The following SPG11 variants were observed in gnomAD, a reference collection of about 807,000 sequenced individuals.
SPG11 encodes spatacsin.
SPG11 carries 222 observed loss-of-function variants against 274.0 expected under a neutral mutation model. The ratio of observed to expected loss-of-function variants is 0.81; its 90% confidence interval spans 0.73 to 0.91. The LOEUF is 0.91. SPG11 is among the 40% of genes least tolerant of loss of function. The pLI, the probability that SPG11 is intolerant of heterozygous loss-of-function variation, is 0.00. For missense variants in SPG11, 3,114 were observed against 2,872.7 expected (o/e 1.08, Z -1.92); for synonymous variants, 1,144 against 1,039.7 (o/e 1.10, Z -1.93).
At chr15:44,662,595 C>T (rs1178009676) in intron 1 of SPG11, among the ~76,000 whole-genome samples, 2 of 147,844 alleles carry the variant, frequency 1.4e-5, no homozygotes, top group Non-Finnish European at 3.0e-5. Flanking sequence ...GGCTGGCTGC[C>T]GTGAACCGTG....
intron 7 of SPG11, among the ~76,000 whole-genome samples, chr15:44,636,932 A>AAAAAAAC (rs2084280146): frequency 6.6e-5 from 8 of 120,540 alleles, no homozygotes; most frequent in East Asian, 5.4e-4. Context: ...TCTCAAAAAA[A>AAAAAAAC]AAAAAAAAAA....
intron 16 of SPG11, 29 bp from the exon 17 acceptor site, chr15:44,613,565 T>C (rs781384981): frequency 5.0e-6 from 7 of 1,387,726 alleles, no homozygotes; most frequent in South Asian, 2.3e-5. Context: ...AAAACCTTCT[T>C]TGATTAACAT....
intron 31 of SPG11, 164 bp from the exon 32 acceptor site, chr15:44,573,909 T>C (rs1185229770): frequency 7.6e-6 from 5 of 660,840 alleles, no homozygotes; most frequent in Non-Finnish European, 7.9e-6. Context: ...TTTCTAACCC[T>C]TTCTATCATT....
At chr15:44,642,697 C>CAA (rs201516811) in intron 7 of SPG11, among the ~76,000 whole-genome samples, 12 of 115,282 alleles carry the variant, frequency 1.0e-4, no homozygotes, top group African/African-American at 2.8e-4. Flanking sequence ...TCCACCTCTA[C>CAA]AAAAAAAAAA....
At chr15:44,610,747 A>G (rs561789253) in intron 18 of SPG11, 93 bp downstream of exon 18, 257 of 1,221,098 alleles carry the variant, frequency 2.1e-4, no homozygotes, top group Admixed American at 2.3e-4. Flanking sequence ...GAATATAGTT[A>G]TATTTTAATA....
At chr15:44,564,809 C>T (rs1034825313) in intron 38 of SPG11, 111 bp from the exon 39 acceptor site, 34 of 1,194,126 alleles carry the variant, frequency 2.8e-5, no homozygotes, top group Non-Finnish European at 4.0e-5. Flanking sequence ...TGAATATGAT[C>T]ATTACCAATT....
chr15:44,567,374 T>C lies in SPG11; in HGVS notation c.6754+50A>G, dbSNP rs199549712. 1.9e-3 allele frequency: 3,051 copies of C among 1,580,982 alleles called. 37 individuals are homozygous for C. In the African/African-American group the frequency reaches 0.025, roughly 13 times the overall value. ...CAAAAAAAAAAAAAAAAAAGGAATT[T>C]TACCTAGCTAGCAGCACTGTTCTGG... On this transcript the variant is annotated intron_variant, in intron 36 of 39. Coordinates refer to ENST00000261866, the MANE Select transcript of SPG11 (RefSeq NM_025137.4).
chr15:44,658,154 T>G (rs2084993923), intron 3 of SPG11, among the ~76,000 whole-genome samples: 1 of 152,238 alleles, frequency 6.6e-6, no homozygotes, highest in African/African-American at 2.4e-5. Flanking sequence ...TTCCATAACC[T>G]GGCAACAATA....
In SPG11 at chr15:44,636,950, A is replaced by AAAC. The variant is rs1567180583; in HGVS notation, c.1603-3314_1603-3313insGTT. ...CAAAAAAAAAAAAAAAAAAAAAAAA[A>AAAC]AAAAAAACAAAAAAAAAACACAAAT... On this transcript the variant is annotated intron_variant, in intron 7 of 39. Coordinates refer to ENST00000261866, the MANE Select transcript of SPG11 (RefSeq NM_025137.4). 5.3e-3 allele frequency among the ~76,000 whole-genome samples: 674 copies of AAAC among 126,794 alleles called. 10 individuals are homozygous for AAAC. The highest frequency in any genetic ancestry group is 0.022 in the African/African-American group (649 of 29,382). The allele number at this position is 126,794 out of a possible 152,430, so 83.2% of individuals were successfully genotyped here.
intron 17 of SPG11, among the ~76,000 whole-genome samples, chr15:44,612,017 G>A (rs1250522736): frequency 6.6e-6 from 1 of 152,026 alleles, no homozygotes; most frequent in Non-Finnish European, 1.5e-5. Context: ...CCCCGTGTTA[G>A]CCAGGATGGC....
At chr15:44,654,218 T>C (rs891207857) in intron 4 of SPG11, among the ~76,000 whole-genome samples, 1 of 152,224 alleles carries the variant, frequency 6.6e-6, no homozygotes, top group Admixed American at 6.5e-5. Flanking sequence ...CCATAAATTA[T>C]GCACAAATTG....
Position 44,633,703 on chromosome 15 carries a change from AT to A in SPG11, c.1603-67del. On this transcript the variant is annotated intron_variant, in intron 7 of 39. Transcript: ENST00000261866. ...ATAGGAAAAAAAAATCAGGATTCAG[AT>A]TTTTAAACAAACTTTAGAATTTAAT... 2.6e-6 allele frequency: 4 copies of A among 1,524,178 alleles called. No homozygotes were observed. The South Asian group carries it at 4.7e-5, about 18-fold the overall frequency. The allele number at this position is 1,524,178 out of a possible 1,614,324, so 94.4% of individuals were successfully genotyped here. A position where few individuals can be genotyped will look rare whatever the true frequency, so the allele number is the denominator to read the frequency against.
Position 44,597,322 on chromosome 15 carries a change from G to A in SPG11, c.4002-379C>T, listed in dbSNP as rs2083072370. On this transcript the variant is annotated intron_variant, in intron 23 of 39. Coordinates refer to ENST00000261866, the MANE Select transcript of SPG11 (RefSeq NM_025137.4). ...AGACGGGGTTTCTCCATGTTGGTCAGGCTGGTCTTGAACTCCCAACCTCAG... is the reference window on the plus strand; with the variant it reads ...AGACGGGGTTTCTCCATGTTGGTCAAGCTGGTCTTGAACTCCCAACCTCAG... 4 of 268,534 alleles carry A rather than the reference G, an allele frequency of 1.5e-5. No individual in the cohort carries two copies. The South Asian group carries it at 1.6e-4, about 11-fold the overall frequency. 16.6% of individuals were successfully genotyped at this position (268,534 alleles called of 1,614,324 possible). A position where few individuals can be genotyped will look rare whatever the true frequency, so the allele number is the denominator to read the frequency against.
chr15:44,632,592 C>A (rs1713457461), intron 8 of SPG11, among the ~76,000 whole-genome samples: 1 of 151,526 alleles, frequency 6.6e-6, no homozygotes, highest in East Asian at 1.9e-4. Flanking sequence ...ATCACTGCAG[C>A]CTAGACCTCC....
rs150070368 is a variant in SPG11, at chr15:44,574,272, G to A, written c.6007-527C>T. On this transcript the variant is annotated intron_variant, in intron 31 of 39. Transcript: ENST00000261866. ...ACCCGCCTCGGCCTCCCGAATTGCT[G>A]GGATTATAGGCATGAGCCACCATGC... Among the ~76,000 whole-genome samples the A allele has an allele frequency of 5.6e-3, 853 of 152,326 alleles. 10 individuals carry two copies. Among genetic ancestry groups the A allele is most frequent in the African/African-American group, 0.02 (818 of 41,566 alleles).
At position 44,650,483 on chromosome 15, in the gene SPG11, G is replaced by A. The variant is rs150370237; in HGVS notation, c.1456+1008C>T. On this transcript the variant is annotated intron_variant, in intron 6 of 39. Transcript: ENST00000261866. ...AACCTGGCCAACAGAGCGAGACGTC[G>A]TCTCTACTAAAAATACAAAAATTAG... Among the ~76,000 whole-genome samples, 20 of 152,036 alleles carry A rather than the reference G, an allele frequency of 1.3e-4. No individual in the cohort carries two copies. The East Asian group carries it at 1.6e-3, about 12-fold the overall frequency.
Position 44,615,537 on chromosome 15 carries a change from T to C in SPG11, c.2864A>G (p.Glu955Gly), listed in dbSNP as rs1428406540. ...RNGVFLASEL[E>G]DFECFLLRLS... ...TCTTAGGAGGAAGCATTCAAAGTCT[T>C]CCAGTTCAGATGCCAAAAAAACCCC... The change falls in exon 16 of 40, where the codon GAA (glutamate) becomes GGA (glycine). Residue 955 changes from glutamate (E) to glycine (G), a missense_variant. Transcript: ENST00000261866. The C allele has an allele frequency of 6.2e-7, 1 of 1,614,086 alleles. No homozygotes were observed. Among genetic ancestry groups the C allele is most frequent in the Non-Finnish European group, 8.5e-7 (1 of 1,180,014 alleles).
chr15:44,649,188 A>G (rs1268336759), intron 6 of SPG11, among the ~76,000 whole-genome samples, 177 bp from the exon 7 acceptor site: 1 of 152,002 alleles, frequency 6.6e-6, no homozygotes, highest in African/African-American at 2.4e-5. Flanking sequence ...ACATTTTTAT[A>G]GGCGAGTTTT....
At chr15:44,596,459 G>T in intron 24 of SPG11, 104 bp from the exon 25 acceptor site, 1 of 1,295,290 alleles carries the variant, frequency 7.7e-7, no homozygotes, top group Non-Finnish European at 1.1e-6. Context: ...TTCTCACCCT[G>T]AACTAAGTCA....
Sources: gnomAD v4.1 joint callset for allele counts (sites outside exome capture counted in the v4.1 genomes callset) on GRCh38, gnomAD v4.1.1 for gene constraint, MANE v1.5 for transcripts, NCBI Gene and HGNC (gene_info 2026-07-23, HGNC 2026-07-21) for gene names.